The following BMPR1B variants were observed in gnomAD, a reference collection of about 807,000 sequenced individuals.
BMPR1B encodes bone morphogenetic protein receptor type 1B, also known as bone morphogenetic protein receptor type-1B.
Under a neutral mutation model 59.1 loss-of-function variants are expected in BMPR1B, and 12 were observed. The ratio of observed to expected loss-of-function variants is 0.20; its 90% confidence interval spans 0.13 to 0.33. The LOEUF is 0.33. Among genes scored for constraint, BMPR1B ranks in the 10% least tolerant of loss-of-function variants. BMPR1B has a pLI of 1.00. For synonymous variants in BMPR1B, 237 were observed against 207.3 expected (o/e 1.14, Z -1.23); for missense variants, 550 against 610.9 (o/e 0.90, Z 1.05).
rs943326950 is a variant in BMPR1B, at chr4:94,839,167, G to A, written c.-182-36664G>A. Among the ~76,000 whole-genome samples the A allele has an allele frequency of 4.1e-4, 54 of 132,188 alleles. No individual in the cohort carries two copies. In the South Asian group the frequency reaches 0.014, roughly 34 times the overall value. The allele number at this position is 132,188 out of a possible 152,430, so 86.7% of individuals were successfully genotyped here. On this transcript the variant is annotated intron_variant, in intron 1 of 12. Coordinates refer to ENST00000515059, the MANE Select transcript of BMPR1B (RefSeq NM_001203.3). ...TGTTCTTTTACATTTGCTGAGGAGA[G>A]CTTTACTTCCAAGTATGTGGTCAAT... is the stretch of plus-strand genomic sequence containing the variant.
rs766140919 is a variant in BMPR1B at position 95,125,018 on chromosome 4, T to C, written c.482T>C (p.Ile161Thr). ...KRQETRPRYS[I>T]GLEQDETYIP... ...CAAGAAACCAGACCTCGATACAGCA[T>C]TGGGTTAGAACAGGATGAAACTTAC... The change falls in exon 8 of 13, where the codon ATT (isoleucine) becomes ACT (threonine). Residue 161 changes from isoleucine to threonine, a missense_variant. Physicochemically the swap from Ile to Thr is moderately conservative, Grantham distance 89. Coordinates refer to ENST00000515059, the MANE Select transcript of BMPR1B (RefSeq NM_001203.3). 11 of 1,613,450 alleles carry C rather than the reference T, an allele frequency of 6.8e-6. No homozygotes were observed. Among genetic ancestry groups the C allele is most frequent in the South Asian group, 1.1e-5 (1 of 91,070 alleles).
chr4:95,149,056 G>C, intron 11 of BMPR1B, 133 bp downstream of exon 11: 1 of 1,156,554 alleles, frequency 8.6e-7, no homozygotes, highest in Non-Finnish European at 1.3e-6. Flanking sequence ...TGTTGATGCA[G>C]TCATAGTGCT....
intron 1 of BMPR1B, among the ~76,000 whole-genome samples, chr4:94,772,814 T>A (rs182863864): frequency 6.6e-6 from 1 of 152,182 alleles, no homozygotes; most frequent in Non-Finnish European, 1.5e-5. Context: ...TCTGCGACTT[T>A]GTGTATTCTG....
intron 1 of BMPR1B, among the ~76,000 whole-genome samples, chr4:94,813,430 TAGGTGGAA>T (rs1723896547): frequency 6.6e-6 from 1 of 152,068 alleles, no homozygotes; most frequent in Admixed American, 6.6e-5. Context: ...TGCCAGGACT[TAGGTGGAA>T]ACCTGACTGG....
chr4:95,030,025 C>A (rs1322427078), intron 3 of BMPR1B, among the ~76,000 whole-genome samples: 3 of 151,522 alleles, frequency 2.0e-5, no homozygotes, highest in African/African-American at 2.4e-5. Context: ...AGCCCTTTGT[C>A]AGATGAGTAG....
At chr4:94,971,686 TA>T (rs758762559) in intron 2 of BMPR1B, among the ~76,000 whole-genome samples, 1 of 151,964 alleles carries the variant, frequency 6.6e-6, no homozygotes, top group Non-Finnish European at 1.5e-5. Flanking sequence ...ATGAGCTTTT[TA>T]AGCATCTAGT....
At chr4:94,974,636 T>C (rs916616354) in intron 2 of BMPR1B, among the ~76,000 whole-genome samples, 1 of 152,248 alleles carries the variant, frequency 6.6e-6, no homozygotes, top group Admixed American at 6.5e-5. Context: ...AGGCACAGTT[T>C]AGCACTTAAT....
chr4:94,874,196 T>C (rs1726622811), intron 1 of BMPR1B, among the ~76,000 whole-genome samples: 1 of 152,066 alleles, frequency 6.6e-6, no homozygotes, highest in South Asian at 2.1e-4. Context: ...TTTTATCCAT[T>C]CATCTTTCAG....
At chr4:94,767,962 G>A (rs1344968679) in intron 1 of BMPR1B, among the ~76,000 whole-genome samples, 1 of 151,562 alleles carries the variant, frequency 6.6e-6, no homozygotes, top group Non-Finnish European at 1.5e-5. Context: ...AGTATGTTAA[G>A]ACTGAGATAA....
intron 2 of BMPR1B, among the ~76,000 whole-genome samples, chr4:94,967,945 A>T (rs1015696786): frequency 8.5e-5 from 13 of 152,240 alleles, no homozygotes; most frequent in Non-Finnish European, 1.9e-4. Flanking sequence ...GATATGGCAC[A>T]TTCTGTAAGA....
chr4:95,066,560 C>G (rs116215819), intron 3 of BMPR1B, among the ~76,000 whole-genome samples: 3 of 152,014 alleles, frequency 2.0e-5, no homozygotes, highest in Non-Finnish European at 4.4e-5. Flanking sequence ...AACATAGGAG[C>G]GATTGGAATA....
At position 95,119,055 on chromosome 4, in the gene BMPR1B, G is replaced by A. The variant is rs553864077; in HGVS notation, c.349+3268G>A. Among the ~76,000 whole-genome samples, 5 of 152,176 alleles carry A rather than the reference G, an allele frequency of 3.3e-5. No homozygotes were observed. The South Asian group carries it at 1.0e-3, about 31-fold the overall frequency. ...CCTGTATCTTGCATTTACATGGAAA[G>A]TAAAAGGCAGTGAAGCTTGGAGTCT... On this transcript the variant is annotated intron_variant, in intron 6 of 12. Coordinates refer to ENST00000515059, the MANE Select transcript of BMPR1B (RefSeq NM_001203.3).
chr4:94,902,249 C>CACAG (rs1190142911), intron 2 of BMPR1B, among the ~76,000 whole-genome samples: 6 of 69,032 alleles, frequency 8.7e-5, no homozygotes, highest in Non-Finnish European at 1.6e-4. Flanking sequence ...CACACACACA[C>CACAG]AGAGAGAGAG....
At chr4:95,012,702 C>T (rs1476338092) in intron 3 of BMPR1B, among the ~76,000 whole-genome samples, 1 of 152,118 alleles carries the variant, frequency 6.6e-6, no homozygotes, top group Non-Finnish European at 1.5e-5. Context: ...ACAGAATTTA[C>T]TGTGCTAGCA....
At chr4:94,947,384 A>G (rs1019644746) in intron 2 of BMPR1B, among the ~76,000 whole-genome samples, 16 of 152,240 alleles carry the variant, frequency 1.1e-4, no homozygotes, top group Admixed American at 1.0e-3. Context: ...GTAAAGCGAA[A>G]GACTGGATAG....
At chr4:94,792,879 A>G (rs941433510) in intron 1 of BMPR1B, among the ~76,000 whole-genome samples, 2 of 152,216 alleles carry the variant, frequency 1.3e-5, no homozygotes, top group African/African-American at 4.8e-5. Context: ...TTCCAAAGCA[A>G]CATAAAGAAA....
intron 10 of BMPR1B, among the ~76,000 whole-genome samples, chr4:95,134,435 A>G (rs1418604331): frequency 1.3e-5 from 2 of 152,200 alleles, no homozygotes; most frequent in Non-Finnish European, 2.9e-5. Flanking sequence ...TCCTTGAGGA[A>G]TCACCACACT....
chr4:95,129,696 A>T (rs763723776), intron 8 of BMPR1B, among the ~76,000 whole-genome samples, 166 bp from the exon 9 acceptor site: 8 of 152,236 alleles, frequency 5.3e-5, no homozygotes, highest in Non-Finnish European at 1.2e-4. Context: ...TGTTTAAAAG[A>T]GTGTAACATA....
intron 3 of BMPR1B, among the ~76,000 whole-genome samples, chr4:95,085,833 T>A (rs1729530514): frequency 6.6e-6 from 1 of 152,132 alleles, no homozygotes; most frequent in Non-Finnish European, 1.5e-5. Flanking sequence ...ATTTTGAAGT[T>A]TTATATTTTT....
Sources: gnomAD v4.1 joint callset for allele counts (sites outside exome capture counted in the v4.1 genomes callset) on GRCh38, gnomAD v4.1.1 for gene constraint, MANE v1.5 for transcripts, NCBI Gene and HGNC (gene_info 2026-07-23, HGNC 2026-07-21) for gene names.